BCHE: variants seen among roughly 807,000 people sequenced by gnomAD.
The protein encoded by BCHE is butyrylcholinesterase.
Under a neutral mutation model 51.3 loss-of-function variants are expected in BCHE, and 48 were observed. The ratio of observed to expected loss-of-function variants is 0.94; its 90% confidence interval spans 0.74 to 1.19. The LOEUF is 1.19. Ranked by LOEUF, BCHE falls within the 50% of genes most tolerant of loss-of-function variation. The pLI is 0.00. For synonymous variants in BCHE, 251 were observed against 238.0 expected, an observed-to-expected ratio of 1.05 and a Z score of -0.50; for missense variants, 847 against 708.2, an observed-to-expected ratio of 1.20 and a Z score of -2.23.
intron 2 of BCHE, among the ~76,000 whole-genome samples, chr3:165,827,267 C>A (rs73877743): frequency 3.4e-4 from 52 of 152,060 alleles, no homozygotes; most frequent in African/African-American, 1.3e-3. Context: ...TTCAACTGTG[C>A]AAATATCGTC....
At chr3:165,774,931 T>C (rs918672759) in intron 3 of BCHE, among the ~76,000 whole-genome samples, 1 of 150,560 alleles carries the variant, frequency 6.6e-6, no homozygotes, top group African/African-American at 2.4e-5. Context: ...TACAATGTTT[T>C]AAGACACATA....
chr3:165,835,445 A>C (rs1245673334), intron 1 of BCHE, among the ~76,000 whole-genome samples: 1 of 151,860 alleles, frequency 6.6e-6, no homozygotes, highest in Non-Finnish European at 1.5e-5. Context: ...TCTTTTAAAA[A>C]GTTACAATTA....
chr3:165,793,665 A>G (rs991776748), intron 2 of BCHE, among the ~76,000 whole-genome samples: 2 of 152,204 alleles, frequency 1.3e-5, no homozygotes, highest in Admixed American at 1.3e-4. Context: ...TTTAAGAAAA[A>G]CAGTATTCCA....
At chr3:165,779,117 C>CATATGA (rs1307702520) in intron 3 of BCHE, among the ~76,000 whole-genome samples, 4 of 152,064 alleles carry the variant, frequency 2.6e-5, no homozygotes, top group Admixed American at 2.6e-4. Flanking sequence ...GTAATTTTGA[C>CATATGA]AACATATTAA....
chr3:165,788,035 C>A (rs542776253), intron 2 of BCHE, among the ~76,000 whole-genome samples: 68 of 151,996 alleles, frequency 4.5e-4, no homozygotes, highest in African/African-American at 1.6e-3. Flanking sequence ...AAGTTCAACA[C>A]AAAAAATCCT....
In BCHE at chr3:165,830,152, A is replaced by G; in HGVS notation, c.882T>C (p.Asn294=). ...NETEIIKCLR[N]KDPQEILLNE... is the part of the protein sequence containing the mutation. ...TCAGAAGAATTTCTTGGGGATCTTT[A>G]TTTCTAAGACACTTGATTATTTCAG... Residue 294 remains asparagine, a synonymous_variant, in exon 2 of 4, where the codon AAT becomes AAC. Transcript: ENST00000264381. 1 of 1,613,942 alleles carries G rather than the reference A, an allele frequency of 6.2e-7. No homozygotes were observed. Among genetic ancestry groups the G allele is most frequent in the South Asian group, 1.1e-5 (1 of 91,076 alleles).
Position 165,830,834 on chromosome 3 carries a change from C to T in BCHE, c.200G>A (p.Gly67Asp), listed in dbSNP as rs769202966. The change falls in exon 2 of 4, where the codon GGT becomes GAT. Residue 67 changes from glycine (G) to aspartate (D), a missense_variant. By Grantham distance (94) the Gly-to-Asp change is moderately conservative. Coordinates refer to ENST00000264381, the MANE Select transcript of BCHE (RefSeq NM_000055.4). Reference protein sequence around the residue: ...LGIPYAQPPLGRLRFKKPQSL... With the variant: ...LGIPYAQPPLDRLRFKKPQSL... ...CTGTGGCTTTTTGAATCGAAGTCTA[C>T]CAAGAGGTGGCTGTGCATAGGGAAT... The T allele has an allele frequency of 3.5e-5, 57 of 1,613,888 alleles. No individual in the cohort carries two copies. The South Asian group carries it at 6.0e-4, about 17-fold the overall frequency.
At chr3:165,831,449 A>G (rs980157628) in intron 1 of BCHE, among the ~76,000 whole-genome samples, 21 of 152,294 alleles carry the variant, frequency 1.4e-4, no homozygotes, top group African/African-American at 5.1e-4. Context: ...ATACAAGTTC[A>G]TATATTCTCT....
At chr3:165,793,927 G>C (rs183827133) in intron 2 of BCHE, among the ~76,000 whole-genome samples, 67 of 152,142 alleles carry the variant, frequency 4.4e-4, no homozygotes, top group African/African-American at 1.6e-3. Flanking sequence ...TGCACCTGTA[G>C]TCCCAGCTCC....
intron 2 of BCHE, among the ~76,000 whole-genome samples, chr3:165,787,625 A>G (rs994830724): frequency 2.0e-5 from 3 of 151,946 alleles, no homozygotes; most frequent in Admixed American, 2.0e-4. Context: ...GATAGAATTA[A>G]CATAGACATT....
At chr3:165,794,991 G>T (rs1030946882) in intron 2 of BCHE, among the ~76,000 whole-genome samples, 1 of 151,814 alleles carries the variant, frequency 6.6e-6, no homozygotes, top group African/African-American at 2.4e-5. Context: ...CATAAACCTA[G>T]GAAAATATAC....
chr3:165,819,686 T>C (rs540637065), intron 2 of BCHE, among the ~76,000 whole-genome samples: 2 of 152,238 alleles, frequency 1.3e-5, no homozygotes, highest in East Asian at 1.9e-4. Flanking sequence ...TCTTCTGTGT[T>C]TGTAGTTTTA....
rs767064134 is a variant in BCHE at position 165,830,271 on chromosome 3, A to C, written c.763T>G (p.Phe255Val). 4 of 1,613,944 alleles carry C rather than the reference A, an allele frequency of 2.5e-6. No individual in the cohort carries two copies. The Admixed American group carries it at 6.7e-5, about 27-fold the overall frequency. The change falls in exon 2 of 4, where the codon TTT becomes GTT. Residue 255 changes from phenylalanine (F) to valine (V), a missense_variant. Transcript: ENST00000264381. ...GATGTTACCGCCCAAGGAGCATTAA[A>C]GGATCCACTTTGCAGAATGGCTCTG... ...FTRAILQSGS[F>V]NAPWAVTSLY...
chr3:165,787,168 A>T (rs1048360319), intron 2 of BCHE, among the ~76,000 whole-genome samples: 14 of 151,810 alleles, frequency 9.2e-5, no homozygotes, highest in African/African-American at 3.4e-4. Context: ...AAAATGAATA[A>T]CTGTCGACTC....
chr3:165,774,742 C>T (rs2108192744), intron 3 of BCHE, among the ~76,000 whole-genome samples: 1 of 152,216 alleles, frequency 6.6e-6, no homozygotes, highest in Non-Finnish European at 1.5e-5. Context: ...CAGATAATTC[C>T]TGCTTTCAAG....
At chr3:165,786,616 G>A (rs972983877) in intron 2 of BCHE, among the ~76,000 whole-genome samples, 12 of 151,516 alleles carry the variant, frequency 7.9e-5, no homozygotes, top group South Asian at 2.1e-4. Context: ...ACACTTAAAC[G>A]TGCTCAAAGG....
chr3:165,833,066 A>T (rs965886755), intron 1 of BCHE, among the ~76,000 whole-genome samples: 1 of 152,096 alleles, frequency 6.6e-6, no homozygotes, highest in Non-Finnish European at 1.5e-5. Context: ...ATATATTTAC[A>T]TATAAAATGA....
rs1323851794 is a variant in BCHE at position 165,830,565 on chromosome 3, C to T, written c.469G>A (p.Asp157Asn). The part of the protein sequence containing the change: ...QTGTSSLHVY[D>N]GKFLARVERV... ...TCAACCCGAGCCAGAAACTTGCCATCATAAACATGTAAAGATGATGTTCCA... is the reference window on the plus strand; with the variant it reads ...TCAACCCGAGCCAGAAACTTGCCATTATAAACATGTAAAGATGATGTTCCA... The change falls in exon 2 of 4, where the codon GAT (aspartate) becomes AAT (asparagine). Residue 157 changes from aspartate to asparagine, a missense_variant. Physicochemically the swap from Asp to Asn is conservative, Grantham distance 23. Coordinates refer to ENST00000264381, the MANE Select transcript of BCHE (RefSeq NM_000055.4). 8.7e-6 allele frequency: 14 copies of T among 1,613,968 alleles called. No homozygotes were observed. Among genetic ancestry groups the T allele is most frequent in the Non-Finnish European group, 1.2e-5 (14 of 1,179,952 alleles).
Position 165,773,080 on chromosome 3 carries a change from T to G in BCHE, c.*302A>C. On this transcript the variant is annotated 3_prime_UTR_variant, in exon 4 of 4. Transcript: ENST00000264381. ...TGACTAAAAGCAGAGCACTGATAATTTTGGGGGGAAAAACTTAAATTTATT... is the reference window on the plus strand; with the variant it reads ...TGACTAAAAGCAGAGCACTGATAATGTTGGGGGGAAAAACTTAAATTTATT... 1 of 112,510 alleles carries G rather than the reference T, an allele frequency of 8.9e-6. No individual in the cohort carries two copies. Among genetic ancestry groups the G allele is most frequent in the Non-Finnish European group, 1.7e-5 (1 of 60,576 alleles). 7.0% of individuals were successfully genotyped at this position (112,510 alleles called of 1,614,324 possible). A position where few individuals can be genotyped will look rare whatever the true frequency, so the allele number is the denominator to read the frequency against.
Sources: allele counts gnomAD v4.1 joint callset (sites outside exome capture counted in the v4.1 genomes callset), GRCh38; gene constraint gnomAD v4.1.1; transcripts MANE v1.5; gene names NCBI Gene and HGNC (gene_info 2026-07-23, HGNC 2026-07-21).